The following RNF128 variants were observed in gnomAD, a reference collection of about 807,000 sequenced individuals.
RNF128 encodes E3 ubiquitin-protein ligase RNF128.
RNF128 carries 13 observed loss-of-function variants against 26.2 expected under a neutral mutation model. The ratio of observed to expected loss-of-function variants is 0.50; its 90% confidence interval spans 0.32 to 0.79. RNF128 has a LOEUF of 0.79. Among genes scored for constraint, RNF128 ranks in the 30% least tolerant of loss-of-function variants. RNF128 has a pLI of 0.03. For synonymous variants in RNF128, 149 were observed against 142.5 expected (o/e 1.05, Z -0.32); for missense variants, 315 against 349.7 (o/e 0.90, Z 0.79).
intron 1 of RNF128, among the ~76,000 whole-genome samples, chrX:106,758,160 CAAGT>C (rs1292596913): frequency 1.8e-5 from 2 of 111,783 alleles, no homozygotes; most frequent in Non-Finnish European, 3.8e-5. Flanking sequence ...AAAAAGAAAT[CAAGT>C]AAGTATTCCC....
intron 1 of RNF128, among the ~76,000 whole-genome samples, chrX:106,766,588 A>C (rs904790540): frequency 8.9e-6 from 1 of 111,772 alleles, no homozygotes; most frequent in East Asian, 2.8e-4. Context: ...AAATTTGTTC[A>C]AGTTCATTGT....
intron 1 of RNF128, among the ~76,000 whole-genome samples, chrX:106,715,257 T>C (rs945976449): frequency 2.7e-5 from 3 of 112,166 alleles, no homozygotes; most frequent in Non-Finnish European, 5.6e-5. Flanking sequence ...AGGTATGCAG[T>C]GATATCACAC....
chrX:106,756,431 T>C (rs746255794), intron 1 of RNF128, among the ~76,000 whole-genome samples: 12,432 of 107,038 alleles, frequency 0.12, 2,414 homozygotes, highest in African/African-American at 0.44. Context: ...GAAATAATGC[T>C]GCATACCTAC....
At chrX:106,700,143 C>T (rs1455512994) in intron 1 of RNF128, among the ~76,000 whole-genome samples, 1 of 109,050 alleles carries the variant, frequency 9.2e-6, no homozygotes, top group Non-Finnish European at 1.9e-5. Flanking sequence ...CTGTCTCAGC[C>T]TCCCAAGTAG....
chrX:106,724,128 T>A (rs893943055), upstream of RNF128, among the ~76,000 whole-genome samples: 5 of 111,476 alleles, frequency 4.5e-5, no homozygotes, highest in Non-Finnish European at 1.9e-5. Flanking sequence ...TCCTCCTGTA[T>A]TCCCTGATTG....
chrX:106,725,278 A>G (rs1007394225), upstream of RNF128, among the ~76,000 whole-genome samples: 1 of 111,540 alleles, frequency 9.0e-6, no homozygotes, highest in African/African-American at 3.3e-5. Flanking sequence ...AATACCTAAG[A>G]GTATATGTTT....
intron 1 of RNF128, among the ~76,000 whole-genome samples, chrX:106,763,656 G>A (rs920614538): frequency 1.1e-4 from 12 of 110,733 alleles, no homozygotes; most frequent in East Asian, 2.9e-4. Flanking sequence ...ACAGGCGCCC[G>A]CCACCACGCC....
Position 106,791,289 on chromosome X carries a change from G to A in RNF128, c.1153+55G>A, listed in dbSNP as rs1449363611. The A allele has an allele frequency of 1.8e-5, 19 of 1,074,519 alleles. No homozygotes were observed. The East Asian group carries it at 5.8e-4, about 33-fold the overall frequency. 88.6% of individuals were successfully genotyped at this position (1,074,519 alleles called of 1,213,427 possible). On this transcript the variant is annotated intron_variant, in intron 6 of 6. Transcript: ENST00000255499. ...CCCTGCAATCCATTGTAGATCATATGCCTGTATAGTACTCTTGCTTTTTAG... is the reference window on the plus strand; with the variant it reads ...CCCTGCAATCCATTGTAGATCATATACCTGTATAGTACTCTTGCTTTTTAG...
intron 1 of RNF128, among the ~76,000 whole-genome samples, chrX:106,762,158 A>G (rs1302419621): frequency 9.1e-6 from 1 of 110,210 alleles, no homozygotes; most frequent in African/African-American, 3.3e-5. Flanking sequence ...CATACACTAC[A>G]TTGCTGTTTG....
At chrX:106,759,834 T>C (rs1330202756) in intron 1 of RNF128, among the ~76,000 whole-genome samples, 1 of 111,373 alleles carries the variant, frequency 9.0e-6, no homozygotes, top group African/African-American at 3.3e-5. Flanking sequence ...GGCACAAAAA[T>C]ATAGTTAGAT....
At chrX:106,711,747 T>C (rs961207720) in intron 1 of RNF128, among the ~76,000 whole-genome samples, 9 of 111,944 alleles carry the variant, frequency 8.0e-5, no homozygotes, top group Non-Finnish European at 5.6e-5. Context: ...GTGCAGGACA[T>C]GCACGTTTGG....
intron 2 of RNF128, among the ~76,000 whole-genome samples, chrX:106,773,651 G>C (rs888103068): frequency 2.7e-5 from 3 of 110,983 alleles, no homozygotes; most frequent in Non-Finnish European, 3.8e-5. Flanking sequence ...GAGAAGGCAG[G>C]GTAGAAGATC....
intron 1 of RNF128, among the ~76,000 whole-genome samples, chrX:106,738,175 A>T (rs1266040451): frequency 9.0e-6 from 1 of 111,667 alleles, no homozygotes; most frequent in Non-Finnish European, 1.9e-5. Context: ...GCTTGATTTG[A>T]ATTCCAGCTC....
chrX:106,795,786 A>G lies in RNF128; in HGVS notation c.*73A>G, dbSNP rs892857455. On this transcript the variant is annotated 3_prime_UTR_variant, in exon 7 of 7. Coordinates refer to ENST00000255499, the MANE Select transcript of RNF128 (RefSeq NM_194463.2). ...CAATCAGGGCCTAGTTTCTATTAAT[A>G]AATTGGATAAATTTAATAAAATAAG... 5 of 855,554 alleles carry G rather than the reference A, an allele frequency of 5.8e-6. No individual in the cohort carries two copies. The highest frequency in any genetic ancestry group is 8.0e-6 in the Non-Finnish European group (5 of 623,725). 70.5% of individuals were successfully genotyped at this position (855,554 alleles called of 1,213,427 possible). A position where few individuals can be genotyped will look rare whatever the true frequency, so the allele number is the denominator to read the frequency against.
At chrX:106,787,016 TA>T (rs748052639) in intron 3 of RNF128, among the ~76,000 whole-genome samples, 1 of 111,221 alleles carries the variant, frequency 9.0e-6, no homozygotes, top group East Asian at 2.8e-4. Flanking sequence ...ATGCAAAATG[TA>T]TAGCCAATTT....
chrX:106,764,286 A>G (rs767475995), intron 1 of RNF128, among the ~76,000 whole-genome samples: 7 of 110,624 alleles, frequency 6.3e-5, no homozygotes, highest in Non-Finnish European at 9.5e-5. Flanking sequence ...TTCAACCTTC[A>G]TCTGACCACA....
chrX:106,715,621 A>G (rs7050108), intron 1 of RNF128, among the ~76,000 whole-genome samples: 12,661 of 111,780 alleles, frequency 0.11, 1,746 homozygotes, highest in African/African-American at 0.39. Flanking sequence ...GACTGTAGAC[A>G]GAATTGAGAG....
At chrX:106,780,646 G>A (rs1478156685) in intron 2 of RNF128, among the ~76,000 whole-genome samples, 2 of 112,019 alleles carry the variant, frequency 1.8e-5, no homozygotes, top group Non-Finnish European at 3.8e-5. Context: ...TTTTAAGATT[G>A]GATAATTGCT....
chrX:106,760,206 T>C (rs1439145719), intron 1 of RNF128, among the ~76,000 whole-genome samples: 1 of 111,973 alleles, frequency 8.9e-6, no homozygotes, highest in Admixed American at 9.5e-5. Context: ...AAATTTTACT[T>C]TTATGGAACA....
Sources: allele counts gnomAD v4.1 joint callset (sites outside exome capture counted in the v4.1 genomes callset), GRCh38; gene constraint gnomAD v4.1.1; transcripts MANE v1.5; gene names NCBI Gene and HGNC (gene_info 2026-07-23, HGNC 2026-07-21).